Variants in CNTNAP4 observed in about 807,000 individuals in gnomAD.
CNTNAP4 encodes contactin-associated protein-like 4.
CNTNAP4 carries 98 observed loss-of-function variants against 148.4 expected under a neutral mutation model. The observed-to-expected ratio is 0.66, with a 90% CI of 0.56 to 0.78. The LOEUF is 0.78. CNTNAP4 is among the 30% of genes least tolerant of loss of function. The pLI, the probability that CNTNAP4 is intolerant of heterozygous loss-of-function variation, is 0.00. For synonymous variants in CNTNAP4, 730 were observed against 565.1 expected (o/e 1.29, Z -4.14); for missense variants, 1,935 against 1,565.6 (o/e 1.24, Z -3.98).
intron 12 of CNTNAP4, among the ~76,000 whole-genome samples, chr16:76,488,204 A>T (rs1440385386): frequency 6.6e-6 from 1 of 152,048 alleles, no homozygotes; most frequent in African/African-American, 2.4e-5. Flanking sequence ...GGAGGCTCAG[A>T]TTTTACCTGA....
At chr16:76,296,324 C>T (rs1481453269) in intron 1 of CNTNAP4, among the ~76,000 whole-genome samples, 1 of 152,152 alleles carries the variant, frequency 6.6e-6, no homozygotes, top group Non-Finnish European at 1.5e-5. Context: ...TACCTCCACC[C>T]CACCCATTTG....
chr16:76,514,162 C>T (rs546382959), intron 15 of CNTNAP4, among the ~76,000 whole-genome samples: 44 of 152,312 alleles, frequency 2.9e-4, no homozygotes, highest in South Asian at 1.0e-3. Context: ...GCTCTCTCGT[C>T]TGATGCCCAA....
chr16:76,449,708 T>C lies in CNTNAP4; in HGVS notation c.928-7T>C. The stretch of plus-strand genomic sequence containing the variant: ...ACAATATTATTGATGCCATTTTTCT[T>C]TCTAAGATCAGCTTTGGAGGGATTC... On this transcript the variant is annotated splice_polypyrimidine_tract_variant and splice_region_variant and intron_variant, in intron 6 of 23. Transcript: ENST00000611870. The C allele has an allele frequency of 9.7e-6, 15 of 1,551,688 alleles. No homozygotes were observed. The highest frequency in any genetic ancestry group is 1.3e-5 in the Non-Finnish European group (15 of 1,151,806).
chr16:76,538,595 ATTTAT>A (rs2084320465), intron 19 of CNTNAP4, among the ~76,000 whole-genome samples: 1 of 151,976 alleles, frequency 6.6e-6, no homozygotes. Flanking sequence ...TATATAAAAC[ATTTAT>A]TATATTATTG....
chr16:76,477,914 G>A (rs943834890), intron 11 of CNTNAP4, among the ~76,000 whole-genome samples: 1 of 152,190 alleles, frequency 6.6e-6, no homozygotes, highest in African/African-American at 2.4e-5. Flanking sequence ...ACTTTCATCT[G>A]TGACCCACAA....
intron 8 of CNTNAP4, among the ~76,000 whole-genome samples, chr16:76,453,090 G>A (rs1440382903): frequency 2.0e-5 from 3 of 152,244 alleles, no homozygotes; most frequent in South Asian, 2.1e-4. Context: ...CCTTGAAATA[G>A]GCCAACAAGT....
At chr16:76,290,582 T>C (rs1464125626) in intron 1 of CNTNAP4, among the ~76,000 whole-genome samples, 2 of 152,278 alleles carry the variant, frequency 1.3e-5, no homozygotes, top group South Asian at 2.1e-4. Flanking sequence ...AATTCCTTCT[T>C]TGAGTCAACA....
At chr16:76,511,674 T>G (rs1319623353) in intron 15 of CNTNAP4, among the ~76,000 whole-genome samples, 1 of 152,182 alleles carries the variant, frequency 6.6e-6, no homozygotes, top group African/African-American at 2.4e-5. Context: ...CTTTTTCAAT[T>G]TCACTTTTGT....
chr16:76,395,331 TC>T (rs1450640523), intron 3 of CNTNAP4, among the ~76,000 whole-genome samples: 1 of 151,346 alleles, frequency 6.6e-6, no homozygotes, highest in Non-Finnish European at 1.5e-5. Context: ...AATGGCGCAA[TC>T]TTGGCTCATT....
chr16:76,312,010 A>C (rs929122146), intron 1 of CNTNAP4, among the ~76,000 whole-genome samples: 10 of 152,166 alleles, frequency 6.6e-5, no homozygotes, highest in African/African-American at 2.4e-4. Flanking sequence ...AATAATCTTT[A>C]TTTGCATCTG....
chr16:76,518,682 C>G (rs1020844880), intron 15 of CNTNAP4, among the ~76,000 whole-genome samples: 1 of 152,078 alleles, frequency 6.6e-6, no homozygotes, highest in East Asian at 1.9e-4. Flanking sequence ...GAGCATTTAT[C>G]ATTTCTGGGA....
At chr16:76,433,877 A>G (rs545051690) in intron 4 of CNTNAP4, among the ~76,000 whole-genome samples, 2 of 152,198 alleles carry the variant, frequency 1.3e-5, no homozygotes, top group East Asian at 3.9e-4. Flanking sequence ...GTTTTATGTC[A>G]AAGTTTGAAA....
At chr16:76,346,645 C>T (rs895141536) in intron 2 of CNTNAP4, among the ~76,000 whole-genome samples, 4 of 152,074 alleles carry the variant, frequency 2.6e-5, no homozygotes, top group Admixed American at 6.5e-5. Context: ...AATTTCCAGA[C>T]GTTATGTGCT....
chr16:76,419,900 A>G (rs549423196), intron 3 of CNTNAP4, among the ~76,000 whole-genome samples: 70 of 152,118 alleles, frequency 4.6e-4, no homozygotes, highest in African/African-American at 1.7e-3. Context: ...TTATAAGGGC[A>G]CTAATTTCCT....
chr16:76,392,799 C>T (rs1016557052), intron 3 of CNTNAP4, among the ~76,000 whole-genome samples: 5 of 152,144 alleles, frequency 3.3e-5, no homozygotes, highest in Admixed American at 6.6e-5. Flanking sequence ...ATTACCTGGG[C>T]ACAGATTCAT....
In CNTNAP4 at chr16:76,483,193, T is replaced by A. The variant is rs550171805; in HGVS notation, c.1882+3655T>A. On this transcript the variant is annotated intron_variant, in intron 12 of 23. Transcript: ENST00000611870. ...GTTTCATTCTGAAATTAGACAGCGA[T>A]AGGTTGATAAATATCTCTAGTCTTT... Among the ~76,000 whole-genome samples, 27 of 150,764 alleles carry A rather than the reference T, an allele frequency of 1.8e-4. No homozygotes were observed. In the East Asian group the frequency reaches 5.1e-3, roughly 29 times the overall value.
intron 4 of CNTNAP4, among the ~76,000 whole-genome samples, chr16:76,447,127 A>G (rs879445198): frequency 6.6e-6 from 1 of 151,902 alleles, no homozygotes; most frequent in Non-Finnish European, 1.5e-5. Context: ...GGGCAACATA[A>G]TGAGGACTTC....
rs369642226 is a variant in CNTNAP4 at position 76,447,512 on chromosome 16, G to A, written c.539-500G>A. ...GTCATATTTTCCCTTACTATTGACT[G>A]GTCAGAAGCTGGACTACACAGACAG... On this transcript the variant is annotated intron_variant, in intron 4 of 23. Transcript: ENST00000611870. Among the ~76,000 whole-genome samples the A allele has an allele frequency of 6.6e-5, 10 of 152,008 alleles. No homozygotes were observed. In the East Asian group the frequency reaches 1.4e-3, roughly 21 times the overall value.
intron 19 of CNTNAP4, among the ~76,000 whole-genome samples, chr16:76,539,391 A>C (rs1410307676): frequency 2.0e-5 from 3 of 152,120 alleles, no homozygotes; most frequent in Non-Finnish European, 4.4e-5. Context: ...TGCAATATTA[A>C]GCAATAGGTT....
Sources: allele counts gnomAD v4.1 joint callset (sites outside exome capture counted in the v4.1 genomes callset), GRCh38; gene constraint gnomAD v4.1.1; transcripts MANE v1.5; gene names NCBI Gene and HGNC (gene_info 2026-07-23, HGNC 2026-07-21).